CAMK2D: variants seen among roughly 807,000 people sequenced by gnomAD.
CAMK2D encodes calcium/calmodulin dependent protein kinase II delta.
CAMK2D carries 37 observed loss-of-function variants against 84.0 expected under a neutral mutation model. The observed-to-expected ratio is 0.44, with a 90% CI of 0.34 to 0.58. The LOEUF (loss-of-function observed/expected upper bound fraction) is 0.58, where lower values mean the gene tolerates loss of function less well. Ranked by LOEUF, CAMK2D falls within the 20% of genes least tolerant of loss-of-function variation. The pLI is 0.02. For missense variants in CAMK2D, 448 were observed against 652.5 expected (o/e 0.69, Z 3.41); for synonymous variants, 202 against 212.5 (o/e 0.95, Z 0.43).
chr4:113,552,592 T>C (rs752924357), intron 4 of CAMK2D, among the ~76,000 whole-genome samples: 6 of 152,240 alleles, frequency 3.9e-5, no homozygotes, highest in Non-Finnish European at 8.8e-5. Context: ...ACGTGCTATA[T>C]GTAAATAATT....
intron 12 of CAMK2D, among the ~76,000 whole-genome samples, chr4:113,512,306 T>C (rs1420622724): frequency 2.0e-5 from 3 of 152,240 alleles, no homozygotes; most frequent in African/African-American, 7.2e-5. Context: ...GAGTAATATA[T>C]ACTTTATCTC....
intron 3 of CAMK2D, among the ~76,000 whole-genome samples, chr4:113,633,323 C>T (rs1346476082): frequency 6.6e-6 from 1 of 152,114 alleles, no homozygotes; most frequent in East Asian, 1.9e-4. Flanking sequence ...ATGGAGTTAC[C>T]ACAATTCCTT....
intron 2 of CAMK2D, among the ~76,000 whole-genome samples, chr4:113,663,316 T>C (rs983748199): frequency 2.0e-5 from 3 of 152,162 alleles, no homozygotes; most frequent in African/African-American, 4.8e-5. Flanking sequence ...CTGGGCACAG[T>C]AGCTCACCCC....
intron 16 of CAMK2D, among the ~76,000 whole-genome samples, chr4:113,468,473 A>G (rs1383559831): frequency 6.6e-6 from 1 of 152,246 alleles, no homozygotes; most frequent in African/African-American, 2.4e-5. Flanking sequence ...AGTGAGTCAC[A>G]GGCGGCACAT....
At chr4:113,621,463 A>G (rs2099045945) in intron 3 of CAMK2D, among the ~76,000 whole-genome samples, 1 of 152,174 alleles carries the variant, frequency 6.6e-6, no homozygotes, top group South Asian at 2.1e-4. Flanking sequence ...ACCCTGAACA[A>G]AAAAACATTA....
At chr4:113,688,982 T>C (rs866833054) in intron 2 of CAMK2D, among the ~76,000 whole-genome samples, 95 of 142,918 alleles carry the variant, frequency 6.6e-4, no homozygotes, top group African/African-American at 2.0e-3. Flanking sequence ...CAGTGGCTCA[T>C]GCCTGTAACC....
chr4:113,598,136 C>G (rs531016193), intron 4 of CAMK2D, among the ~76,000 whole-genome samples: 5 of 152,114 alleles, frequency 3.3e-5, no homozygotes, highest in Admixed American at 2.0e-4. Context: ...TTGAGACTTA[C>G]CATAAAGCTA....
chr4:113,569,919 G>C (rs1019419871), intron 4 of CAMK2D, among the ~76,000 whole-genome samples: 5 of 151,924 alleles, frequency 3.3e-5, no homozygotes, highest in African/African-American at 1.2e-4. Flanking sequence ...ATATAGTTCT[G>C]CTAATAAACA....
intron 2 of CAMK2D, among the ~76,000 whole-genome samples, chr4:113,725,764 ATTC>A (rs1215230216): frequency 1.3e-5 from 2 of 152,178 alleles, no homozygotes; most frequent in Non-Finnish European, 2.9e-5. Context: ...ACTGAGTTTC[ATTC>A]TTCTAAGTTC....
intron 2 of CAMK2D, among the ~76,000 whole-genome samples, chr4:113,716,239 A>G (rs900781137): frequency 2.6e-5 from 4 of 152,142 alleles, no homozygotes; most frequent in African/African-American, 9.7e-5. Flanking sequence ...CTGTCATGAC[A>G]GTATTGTACA....
chr4:113,609,328 C>T, intron 3 of CAMK2D, 122 bp from the exon 4 acceptor site: 1 of 646,620 alleles, frequency 1.5e-6, no homozygotes, highest in Non-Finnish European at 2.9e-6. Flanking sequence ...TTATTTTAGC[C>T]TTTGATACGT....
intron 2 of CAMK2D, chr4:113,754,522 T>C (rs2099624049): frequency 1.2e-5 from 11 of 949,748 alleles, no homozygotes; most frequent in Non-Finnish European, 1.3e-5. Flanking sequence ...AAATGAGAAG[T>C]ATTAATCTAA....
chr4:113,752,232 G>C (rs1208589752), intron 2 of CAMK2D, among the ~76,000 whole-genome samples: 1 of 147,362 alleles, frequency 6.8e-6, no homozygotes, highest in Non-Finnish European at 1.5e-5. Context: ...AAATATATAT[G>C]ATATAATTAT....
In CAMK2D at chr4:113,543,625, G is replaced by A. The variant is rs76985007; in HGVS notation, c.414+4019C>T. ...AGTAATGTATGCTCACATTTAAAAT[G>A]ATGCCTTCGTGGTTCCTGAAGGAAT... On this transcript the variant is annotated intron_variant, in intron 6 of 20. Coordinates refer to ENST00000511664, the MANE Select transcript of CAMK2D (RefSeq NM_001321571.2). Among the ~76,000 whole-genome samples, 1,499 of 152,104 alleles carry A rather than the reference G, an allele frequency of 9.9e-3. 28 individuals are homozygous for A. The highest frequency in any genetic ancestry group is 0.034 in the African/African-American group (1,416 of 41,504).
At chr4:113,524,087 GTCTCAAACT>G (rs2098397433) in intron 8 of CAMK2D, among the ~76,000 whole-genome samples, 1 of 152,062 alleles carries the variant, frequency 6.6e-6, no homozygotes, top group African/African-American at 2.4e-5. Context: ...ACCTAAGCTG[GTCTCAAACT>G]TCTGGGCTCA....
intron 2 of CAMK2D, among the ~76,000 whole-genome samples, chr4:113,662,378 T>C (rs1198965927): frequency 1.3e-5 from 2 of 152,220 alleles, no homozygotes; most frequent in East Asian, 3.8e-4. Context: ...CATGAAACAC[T>C]ATAGACTTGT....
At chr4:113,473,873 C>T (rs771792934) in intron 16 of CAMK2D, among the ~76,000 whole-genome samples, 6 of 151,804 alleles carry the variant, frequency 4.0e-5, no homozygotes, top group South Asian at 2.1e-4. Flanking sequence ...AAGGATATCA[C>T]GGGTTACAGT....
intron 6 of CAMK2D, among the ~76,000 whole-genome samples, chr4:113,545,646 T>C (rs2098561118): frequency 6.6e-6 from 1 of 152,172 alleles, no homozygotes; most frequent in African/African-American, 2.4e-5. Context: ...TGTTTTGAAC[T>C]CTCTCAGTGT....
chr4:113,641,700 G>C (rs1014485458), intron 3 of CAMK2D, among the ~76,000 whole-genome samples: 7 of 152,062 alleles, frequency 4.6e-5, no homozygotes, highest in East Asian at 1.9e-4. Context: ...CAATCACCTG[G>C]GTGCTTGATT....
Sources: allele counts gnomAD v4.1 joint callset (sites outside exome capture counted in the v4.1 genomes callset), GRCh38; gene constraint gnomAD v4.1.1; transcripts MANE v1.5; gene names NCBI Gene and HGNC (gene_info 2026-07-23, HGNC 2026-07-21).